The following BTAF1 variants were observed in gnomAD, a reference collection of about 807,000 sequenced individuals.
BTAF1 encodes TATA-binding protein-associated factor 172.
Under a neutral mutation model 227.1 loss-of-function variants are expected in BTAF1, and 38 were observed. The observed-to-expected ratio is 0.17, with a 90% CI of 0.13 to 0.22. BTAF1 has a LOEUF of 0.22. Ranked by LOEUF, BTAF1 falls within the 10% of genes least tolerant of loss-of-function variation. The pLI is 1.00. For missense variants in BTAF1, 1,598 were observed against 2,204.0 expected, an observed-to-expected ratio of 0.73 and a Z score of 5.51; for synonymous variants, 742 against 751.9, an observed-to-expected ratio of 0.99 and a Z score of 0.21.
chr10:91,937,212 C>T (rs1844679518), intron 2 of BTAF1, among the ~76,000 whole-genome samples: 1 of 152,028 alleles, frequency 6.6e-6, no homozygotes, highest in African/African-American at 2.4e-5. Flanking sequence ...CTAGGATGGT[C>T]TTGATCTCTG....
Position 91,926,883 on chromosome 10 carries a change from G to A in BTAF1, c.14+2793G>A, listed in dbSNP as rs568191851. ...ATCTTTCTAATTAATACCTTTAGTT[G>A]TTTCCTATTGCCTTAGGATAAAGTC... On this transcript the variant is annotated intron_variant, in intron 1 of 37. Transcript: ENST00000265990. 7.2e-5 allele frequency among the ~76,000 whole-genome samples: 11 copies of A among 152,194 alleles called. 1 individual carries two copies. The South Asian group carries it at 2.1e-3, about 29-fold the overall frequency.
intron 13 of BTAF1, among the ~76,000 whole-genome samples, chr10:91,965,972 ATTATTTCCTAG>A (rs1293163111): frequency 6.6e-6 from 1 of 152,188 alleles, no homozygotes; most frequent in Admixed American, 6.5e-5. Context: ...CTGCTTATGA[ATTATTTCCTAG>A]TTCCAGGTAA....
chr10:91,933,892 G>A (rs866213850), intron 1 of BTAF1, among the ~76,000 whole-genome samples: 35 of 152,208 alleles, frequency 2.3e-4, no homozygotes, highest in Non-Finnish European at 1.9e-4. Context: ...TGAGATATTG[G>A]AGAAAGGATG....
intron 1 of BTAF1, among the ~76,000 whole-genome samples, chr10:91,929,300 T>C (rs546484190): frequency 5.3e-5 from 8 of 152,348 alleles, no homozygotes; most frequent in South Asian, 2.1e-4. Context: ...TTCAGAAATA[T>C]ATAGTTTTCC....
At chr10:91,982,304 C>T (rs1183125199) in intron 17 of BTAF1, 79 bp downstream of exon 17, 11 of 1,567,974 alleles carry the variant, frequency 7.0e-6, no homozygotes, top group African/African-American at 1.4e-5. Flanking sequence ...CAGAAGATTC[C>T]TCTGCTGTCT....
intron 13 of BTAF1, 112 bp from the exon 14 acceptor site, chr10:91,966,525 C>CA: frequency 9.0e-7 from 1 of 1,109,520 alleles, no homozygotes; most frequent in Non-Finnish European, 1.3e-6. Flanking sequence ...ATTTATTCAT[C>CA]AAAAAAGTCA....
At chr10:92,018,566 A>G (rs1850896202) in intron 33 of BTAF1, among the ~76,000 whole-genome samples, 3 of 152,190 alleles carry the variant, frequency 2.0e-5, no homozygotes, top group South Asian at 4.1e-4. Context: ...AAACAGTACA[A>G]TTTATACGCG....
chr10:92,019,773 A>G (rs1182874603), intron 34 of BTAF1, among the ~76,000 whole-genome samples: 1 of 152,054 alleles, frequency 6.6e-6, no homozygotes, highest in Non-Finnish European at 1.5e-5. Context: ...GCATCTTTTC[A>G]TGTGCTTATT....
intron 14 of BTAF1, among the ~76,000 whole-genome samples, chr10:91,975,773 C>G (rs193016438): frequency 6.6e-6 from 1 of 152,148 alleles, no homozygotes. Flanking sequence ...AAAGAGGGAC[C>G]GTAACAAAAG....
chr10:91,955,659 A>G (rs984884870), intron 6 of BTAF1, among the ~76,000 whole-genome samples: 3 of 152,148 alleles, frequency 2.0e-5, no homozygotes, highest in Non-Finnish European at 4.4e-5. Context: ...ATAGTTTTAA[A>G]TAGTTTAAGA....
In BTAF1 at chr10:91,935,673, A is replaced by C; in HGVS notation, c.31A>C (p.Ile11Leu). ...TTATTTCAGGCTAGATCGCCTTTTT[A>C]TTTTACTGGATACTGGCACTACTCC... The part of the protein sequence containing the change: MAVSRLDRLF[I>L]LLDTGTTPVT... The change falls in exon 2 of 38, where the codon ATT (isoleucine) becomes CTT (leucine). Residue 11 changes from isoleucine (I) to leucine (L), a missense_variant. Around this residue, in one of 10 missense-constraint regions of BTAF1, gnomAD observed 298 missense variants for 395.2 expected, o/e 0.75. Coordinates refer to ENST00000265990, the MANE Select transcript of BTAF1 (RefSeq NM_003972.3). 1 of 1,612,902 alleles carries C rather than the reference A, an allele frequency of 6.2e-7. No homozygotes were observed.
intron 33 of BTAF1, among the ~76,000 whole-genome samples, chr10:92,017,255 A>G (rs1850802295): frequency 6.6e-6 from 1 of 152,202 alleles, no homozygotes; most frequent in Non-Finnish European, 1.5e-5. Flanking sequence ...CATTTGAGCA[A>G]AGATCTGAAG....
intron 28 of BTAF1, among the ~76,000 whole-genome samples, chr10:92,009,768 C>CA (rs1246432535): frequency 1.3e-5 from 2 of 152,178 alleles, no homozygotes; most frequent in Non-Finnish European, 2.9e-5. Flanking sequence ...CCGCTGCAGT[C>CA]ATGGCTGCAC....
At chr10:91,997,570 A>C (rs946791402) in intron 24 of BTAF1, 33 bp from the exon 25 acceptor site, 9 of 1,599,972 alleles carry the variant, frequency 5.6e-6, no homozygotes, top group South Asian at 4.5e-5. Context: ...CTGTCTTGGA[A>C]CCATTTCAAA....
At chr10:92,008,062 T>C (rs1850048880) in intron 25 of BTAF1, 61 bp from the exon 26 acceptor site, 1 of 1,402,758 alleles carries the variant, frequency 7.1e-7, no homozygotes, top group African/African-American at 1.5e-5. Context: ...TGTGTTTATT[T>C]GATCTAAGAA....
chr10:91,978,958 A>AT (rs2133973287), intron 14 of BTAF1, among the ~76,000 whole-genome samples: 1 of 150,040 alleles, frequency 6.7e-6, no homozygotes, highest in Admixed American at 6.7e-5. Flanking sequence ...ACCAGTAGTT[A>AT]TTTTTTCTGA....
At chr10:92,008,545 C>T (rs1850098730) in intron 26 of BTAF1, among the ~76,000 whole-genome samples, 1 of 147,858 alleles carries the variant, frequency 6.8e-6, no homozygotes, top group South Asian at 2.1e-4. Context: ...GCAGCGTTCT[C>T]ATTTTGTTGC....
intron 28 of BTAF1, 32 bp downstream of exon 28, chr10:92,009,240 C>T (rs1425914045): frequency 6.3e-7 from 1 of 1,587,090 alleles, no homozygotes; most frequent in South Asian, 1.1e-5. Context: ...CAAAATATTT[C>T]ATCTGTTGTC....
chr10:91,987,413 G>A (rs1848478943), intron 19 of BTAF1, among the ~76,000 whole-genome samples: 3 of 152,072 alleles, frequency 2.0e-5, no homozygotes, highest in Admixed American at 2.0e-4. Flanking sequence ...AACCCAGGAG[G>A]CGGAGCTTGC....
Sources: allele counts gnomAD v4.1 joint callset (sites outside exome capture counted in the v4.1 genomes callset), GRCh38; gene constraint gnomAD v4.1.1; regional missense constraint gnomAD v4.1.1; transcripts MANE v1.5; gene names NCBI Gene and HGNC (gene_info 2026-07-23, HGNC 2026-07-21).